LHFPL2: variants seen among roughly 807,000 people sequenced by gnomAD.
The protein encoded by LHFPL2 is LHFPL tetraspan subfamily member 2 protein.
In LHFPL2, 7 loss-of-function variants were observed where a neutral mutation model predicts 17.5. The observed-to-expected ratio is 0.40, with a 90% CI of 0.23 to 0.75. The LOEUF (loss-of-function observed/expected upper bound fraction) is 0.75. LHFPL2 is among the 30% of genes least tolerant of loss of function. LHFPL2 has a pLI of 0.37. For synonymous variants in LHFPL2, 134 were observed against 116.2 expected, an observed-to-expected ratio of 1.15 and a Z score of -0.99; for missense variants, 241 against 294.8, an observed-to-expected ratio of 0.82 and a Z score of 1.34.
chr5:78,526,138 C>G lies in LHFPL2; in HGVS notation c.-185-15740G>C, dbSNP rs112371245. ...TCTGCTGGCCTCTGTAGCCCTGGCC[C>G]CCGCCACCACTCTACAGAGCACTCC... is the stretch of plus-strand genomic sequence containing the variant. On this transcript the variant is annotated intron_variant, in intron 3 of 4. Transcript: ENST00000380345. Among the ~76,000 whole-genome samples, 265 of 152,176 alleles carry G rather than the reference C, an allele frequency of 1.7e-3. 1 individual carries two copies. The highest frequency in any genetic ancestry group is 5.6e-3 in the African/African-American group (233 of 41,504).
chr5:78,564,264 T>C (rs1007873409), intron 3 of LHFPL2, among the ~76,000 whole-genome samples: 3 of 152,196 alleles, frequency 2.0e-5, no homozygotes, highest in African/African-American at 7.2e-5. Context: ...TGTACAAGAT[T>C]ACTCAACCTC....
intron 2 of LHFPL2, among the ~76,000 whole-genome samples, chr5:78,570,634 GTATA>G (rs147435933): frequency 6.9e-6 from 1 of 145,366 alleles, no homozygotes; most frequent in Non-Finnish European, 1.5e-5. Context: ...TATATATATA[GTATA>G]TATATATATA....
intron 3 of LHFPL2, among the ~76,000 whole-genome samples, chr5:78,523,309 G>A (rs756589480): frequency 7.2e-5 from 11 of 152,144 alleles, no homozygotes; most frequent in African/African-American, 1.4e-4. Flanking sequence ...GATTATTTGT[G>A]AACTTTTTAT....
At chr5:78,592,371 C>A (rs748056807) in intron 2 of LHFPL2, among the ~76,000 whole-genome samples, 11 of 152,180 alleles carry the variant, frequency 7.2e-5, no homozygotes, top group Non-Finnish European at 1.5e-4. Context: ...CTCTAGAAGA[C>A]GCTCTAAGAG....
At chr5:78,604,937 G>T (rs1236073288) in intron 2 of LHFPL2, among the ~76,000 whole-genome samples, 2 of 152,206 alleles carry the variant, frequency 1.3e-5, no homozygotes, top group African/African-American at 4.8e-5. Context: ...TTTTCTAACA[G>T]AATGTACTTA....
At chr5:78,509,671 A>G (rs1755043559) in intron 4 of LHFPL2, 113 bp downstream of exon 4, 4 of 1,082,804 alleles carry the variant, frequency 3.7e-6, no homozygotes. Context: ...CTGAATAGAC[A>G]GAAAGTGGTC....
At position 78,488,795 on chromosome 5, in the gene LHFPL2, C is replaced by T; in HGVS notation, c.*102G>A. ...TTAAGCCTCGGGCCGTGGAACGTGG[C>T]TTTGGTAGGTAAAGGTTAGTTCTCC... On this transcript the variant is annotated 3_prime_UTR_variant, in exon 5 of 5. Transcript: ENST00000380345. 1 of 1,387,322 alleles carries T rather than the reference C, an allele frequency of 7.2e-7. No homozygotes were observed. The highest frequency in any genetic ancestry group is 9.9e-7 in the Non-Finnish European group (1 of 1,008,272). The allele number at this position is 1,387,322 out of a possible 1,614,324, so 85.9% of individuals were successfully genotyped here. A position where few individuals can be genotyped will look rare whatever the true frequency, so the allele number is the denominator to read the frequency against.
intron 3 of LHFPL2, among the ~76,000 whole-genome samples, chr5:78,557,694 AG>A (rs1297737061): frequency 1.3e-5 from 2 of 152,220 alleles, no homozygotes; most frequent in African/African-American, 4.8e-5. Flanking sequence ...GATCAAAATC[AG>A]GTACGTTTCC....
intron 3 of LHFPL2, among the ~76,000 whole-genome samples, chr5:78,529,063 T>G (rs1002743490): frequency 5.3e-5 from 8 of 151,802 alleles, no homozygotes; most frequent in Non-Finnish European, 8.8e-5. Flanking sequence ...GAGGACTGCT[T>G]GAGGCCAGGC....
intron 1 of LHFPL2, among the ~76,000 whole-genome samples, chr5:78,639,094 T>C (rs980279234): frequency 6.6e-6 from 1 of 152,118 alleles, no homozygotes; most frequent in Non-Finnish European, 1.5e-5. Flanking sequence ...ACATGGCTGG[T>C]CAGACTATCC....
intron 3 of LHFPL2, among the ~76,000 whole-genome samples, chr5:78,533,324 A>G (rs1285252359): frequency 1.3e-5 from 2 of 152,218 alleles, no homozygotes; most frequent in African/African-American, 4.8e-5. Context: ...GCTCTGTTCT[A>G]TCTATTAGGT....
intron 3 of LHFPL2, among the ~76,000 whole-genome samples, chr5:78,555,479 T>C (rs1443432910): frequency 1.3e-5 from 2 of 152,056 alleles, no homozygotes; most frequent in Admixed American, 1.3e-4. Flanking sequence ...AGGAGGAACA[T>C]GGAAGGAGGA....
chr5:78,501,544 T>G (rs755516933), intron 4 of LHFPL2, among the ~76,000 whole-genome samples: 15 of 152,118 alleles, frequency 9.9e-5, no homozygotes, highest in Non-Finnish European at 2.1e-4. Flanking sequence ...AGGCTCTGAG[T>G]CTCTTTGGAG....
intron 3 of LHFPL2, among the ~76,000 whole-genome samples, chr5:78,563,938 A>G (rs1756795800): frequency 6.6e-6 from 1 of 152,210 alleles, no homozygotes; most frequent in South Asian, 2.1e-4. Context: ...TCACCAGTTC[A>G]TTTCATAACA....
intron 4 of LHFPL2, among the ~76,000 whole-genome samples, chr5:78,507,141 C>T (rs952127891): frequency 1.3e-5 from 2 of 152,022 alleles, no homozygotes; most frequent in Non-Finnish European, 2.9e-5. Context: ...ACCAGCCTGG[C>T]CAACATGATG....
intron 3 of LHFPL2, among the ~76,000 whole-genome samples, chr5:78,549,485 AG>A (rs1427163617): frequency 6.6e-6 from 1 of 152,242 alleles, no homozygotes; most frequent in African/African-American, 2.4e-5. Flanking sequence ...TCAGAGTTAT[AG>A]GAGTTCTGGG....
chr5:78,573,317 C>G (rs928931116), intron 2 of LHFPL2, among the ~76,000 whole-genome samples: 1 of 152,276 alleles, frequency 6.6e-6, no homozygotes, highest in African/African-American at 2.4e-5. Context: ...TTGAGCTAAA[C>G]TGAAAGGATG....
intron 2 of LHFPL2, among the ~76,000 whole-genome samples, chr5:78,597,543 A>T (rs1743868249): frequency 6.6e-6 from 1 of 152,208 alleles, no homozygotes; most frequent in African/African-American, 2.4e-5. Context: ...AGAGTGGTGA[A>T]CTGACGTAGC....
intron 4 of LHFPL2, among the ~76,000 whole-genome samples, chr5:78,490,419 C>A (rs1346265518): frequency 6.6e-6 from 1 of 152,154 alleles, no homozygotes; most frequent in Admixed American, 6.5e-5. Flanking sequence ...TAGGCCCCCC[C>A]AGATTTTACC....
Sources: gnomAD v4.1 joint callset for allele counts (sites outside exome capture counted in the v4.1 genomes callset) on GRCh38, gnomAD v4.1.1 for gene constraint, MANE v1.5 for transcripts, NCBI Gene and HGNC (gene_info 2026-07-23, HGNC 2026-07-21) for gene names.